Variants in MAGI2 observed in about 807,000 individuals in gnomAD.
MAGI2 encodes membrane associated guanylate kinase, WW and PDZ domain containing 2.
MAGI2 carries 35 observed loss-of-function variants against 133.3 expected under a neutral mutation model. The observed-to-expected ratio is 0.26, with a 90% CI of 0.20 to 0.35. The LOEUF (loss-of-function observed/expected upper bound fraction) is 0.35. Ranked by LOEUF, MAGI2 falls within the 10% of genes least tolerant of loss-of-function variation. The probability of loss-of-function intolerance (pLI) is 1.00; values close to 1 mark genes in which losing one functional copy is unlikely to be tolerated. For missense variants in MAGI2, 1,636 were observed against 1,863.4 expected (o/e 0.88, Z 2.25); for synonymous variants, 729 against 710.6 (o/e 1.03, Z -0.41).
In MAGI2 at chr7:78,857,431, A is replaced by G. The variant is rs527915009; in HGVS notation, c.418+149659T>C. 2.4e-3 allele frequency among the ~76,000 whole-genome samples: 372 copies of G among 152,302 alleles called. 6 individuals are homozygous for G. The highest frequency in any genetic ancestry group is 8.8e-3 in the African/African-American group (365 of 41,566). ...TACTATTTTGAGATACTTCCCATCAATACCTAATTTATTGAGAGTTTTTAG... is the reference window on the plus strand; with the variant it reads ...TACTATTTTGAGATACTTCCCATCAGTACCTAATTTATTGAGAGTTTTTAG... On this transcript the variant is annotated intron_variant, in intron 2 of 21. Transcript: ENST00000354212.
intron 1 of MAGI2, among the ~76,000 whole-genome samples, chr7:79,052,074 G>A (rs1016962577): frequency 6.6e-6 from 1 of 152,042 alleles, no homozygotes; most frequent in African/African-American, 2.4e-5. Flanking sequence ...CTCAGGGAGT[G>A]GGAATGTGAG....
intron 1 of MAGI2, among the ~76,000 whole-genome samples, chr7:79,374,521 A>G (rs1190691922): frequency 6.6e-6 from 1 of 151,988 alleles, no homozygotes; most frequent in Non-Finnish European, 1.5e-5. Flanking sequence ...GAGCTGTGAG[A>G]AAATGAATTT....
intron 9 of MAGI2, among the ~76,000 whole-genome samples, chr7:78,334,698 G>A (rs1789570582): frequency 6.6e-6 from 1 of 152,146 alleles, no homozygotes; most frequent in Non-Finnish European, 1.5e-5. Flanking sequence ...ACTACTACAG[G>A]CAGTCGTAGC....
At chr7:79,139,406 G>T (rs559943391) in intron 1 of MAGI2, among the ~76,000 whole-genome samples, 91 of 152,238 alleles carry the variant, frequency 6.0e-4, no homozygotes, top group African/African-American at 2.1e-3. Flanking sequence ...CTGTTTTACA[G>T]ATTATAACAC....
At chr7:78,706,020 A>G (rs323162) in intron 2 of MAGI2, among the ~76,000 whole-genome samples, 102,494 of 151,272 alleles carry the variant, frequency 0.68, 34,833 homozygotes, top group East Asian at 0.83. Context: ...GCTATGTGAT[A>G]TTGAAAACCT....
intron 20 of MAGI2, among the ~76,000 whole-genome samples, chr7:78,107,403 T>C (rs1818807043): frequency 6.6e-6 from 1 of 152,180 alleles, no homozygotes; most frequent in Non-Finnish European, 1.5e-5. Context: ...GGTATTTTGA[T>C]AGGGATTGCA....
intron 2 of MAGI2, among the ~76,000 whole-genome samples, chr7:78,713,874 T>A (rs760610892): frequency 3.3e-5 from 5 of 152,136 alleles, no homozygotes; most frequent in Non-Finnish European, 4.4e-5. Context: ...CAACCATCCT[T>A]CATCAAAAAG....
At chr7:78,531,000 G>C (rs1192409895) in intron 3 of MAGI2, among the ~76,000 whole-genome samples, 4 of 152,122 alleles carry the variant, frequency 2.6e-5, no homozygotes, top group Non-Finnish European at 5.9e-5. Flanking sequence ...TCACAGTGGA[G>C]GTGTTATCCT....
At chr7:78,569,232 T>C (rs1020130375) in intron 3 of MAGI2, among the ~76,000 whole-genome samples, 37 of 152,292 alleles carry the variant, frequency 2.4e-4, no homozygotes, top group Non-Finnish European at 4.0e-4. Flanking sequence ...TTTATTTATA[T>C]AGTGTTTCAT....
intron 6 of MAGI2, among the ~76,000 whole-genome samples, chr7:78,456,656 A>G (rs1273679002): frequency 6.6e-6 from 1 of 152,208 alleles, no homozygotes; most frequent in Non-Finnish European, 1.5e-5. Context: ...TATCAACAGG[A>G]AGACATACAA....
At chr7:79,278,422 C>G (rs774869909) in intron 1 of MAGI2, among the ~76,000 whole-genome samples, 5 of 152,142 alleles carry the variant, frequency 3.3e-5, no homozygotes, top group Non-Finnish European at 7.4e-5. Flanking sequence ...GCCTAACACA[C>G]TCACCCCATT....
At chr7:78,177,766 G>C (rs572204824) in intron 14 of MAGI2, among the ~76,000 whole-genome samples, 1 of 151,856 alleles carries the variant, frequency 6.6e-6, no homozygotes, top group Non-Finnish European at 1.5e-5. Context: ...GAATTCAATC[G>C]ATTCTAAAAA....
chr7:78,420,803 T>C (rs1798725573), intron 6 of MAGI2, among the ~76,000 whole-genome samples: 1 of 152,180 alleles, frequency 6.6e-6, no homozygotes, highest in Non-Finnish European at 1.5e-5. Context: ...AGCTTGGCCA[T>C]GTAATTTGAG....
At chr7:78,354,374 G>A (rs1791847262) in intron 7 of MAGI2, among the ~76,000 whole-genome samples, 1 of 152,154 alleles carries the variant, frequency 6.6e-6, no homozygotes, top group South Asian at 2.1e-4. Context: ...CATGGATACA[G>A]GAATCCTTTG....
intron 9 of MAGI2, among the ~76,000 whole-genome samples, chr7:78,267,158 T>C (rs1029878950): frequency 6.6e-6 from 1 of 152,194 alleles, no homozygotes; most frequent in African/African-American, 2.4e-5. Context: ...TATTCTATTA[T>C]GTTGATCTAC....
At position 79,391,488 on chromosome 7, in the gene MAGI2, C is replaced by CATATATATATATATATAGACATATATAT. The variant is rs1844605701; in HGVS notation, c.301+61504_301+61531dup. 4.2e-4 allele frequency among the ~76,000 whole-genome samples: 50 copies of CATATATATATATATATAGACATATATAT among 119,322 alleles called. 1 individual carries two copies. Among genetic ancestry groups the CATATATATATATATATAGACATATATAT allele is most frequent in the Middle Eastern group, 5.2e-3 (1 of 194 alleles). The allele number at this position is 119,322 out of a possible 152,430, so 78.3% of individuals were successfully genotyped here. On this transcript the variant is annotated intron_variant, in intron 1 of 21. Coordinates refer to ENST00000354212, the MANE Select transcript of MAGI2 (RefSeq NM_012301.4). ...GTATTCTAAAAGCAATTACCTTTAA[C>CATATATATATATATATAGACATATATAT]ATATATATATATATATAGACATATA...
intron 2 of MAGI2, among the ~76,000 whole-genome samples, chr7:78,995,772 G>A (rs1487797860): frequency 2.0e-5 from 3 of 151,888 alleles, no homozygotes; most frequent in Non-Finnish European, 4.4e-5. Flanking sequence ...TCAGAAGCAT[G>A]CTTATGGTTC....
At chr7:78,290,375 T>C (rs1398192624) in intron 9 of MAGI2, among the ~76,000 whole-genome samples, 5 of 152,138 alleles carry the variant, frequency 3.3e-5, no homozygotes, top group Non-Finnish European at 5.9e-5. Context: ...AGTAAAGGGA[T>C]CAATGCAACA....
intron 11 of MAGI2, among the ~76,000 whole-genome samples, chr7:78,196,944 A>C (rs1051248605): frequency 1.3e-5 from 2 of 152,250 alleles, no homozygotes; most frequent in Non-Finnish European, 2.9e-5. Context: ...AGCAGTTGCC[A>C]GTGGCAGATC....
Sources: allele counts gnomAD v4.1 joint callset (sites outside exome capture counted in the v4.1 genomes callset), GRCh38; gene constraint gnomAD v4.1.1; transcripts MANE v1.5; gene names NCBI Gene and HGNC (gene_info 2026-07-23, HGNC 2026-07-21).